BLTP1: variants seen among roughly 807,000 people sequenced by gnomAD.
The protein encoded by BLTP1 is bridge-like lipid transfer protein family member 1, also known as fragile site-associated protein.
the BLTP1 span, chr4:122,313,745 G>C: frequency 9.6e-7 from 1 of 1,038,426 alleles, no homozygotes; most frequent in Non-Finnish European, 1.4e-6. Context: ...TATTTTAATG[G>C]CAAGAGAATC....
the BLTP1 span, chr4:122,349,395 C>T: frequency 6.4e-7 from 1 of 1,558,216 alleles, no homozygotes; most frequent in Non-Finnish European, 8.7e-7. This position sits in a 1 kb window ranked among gnomAD's most constrained non-coding sequence, Gnocchi z 4.5. Context: ...GATGGATTCT[C>T]ATGAGTTTTT....
At chr4:122,271,777 C>A in the BLTP1 span, 1 of 1,167,022 alleles carries the variant, frequency 8.6e-7, no homozygotes, top group Non-Finnish European at 1.2e-6. Context: ...ACAATAATAC[C>A]AAAGAAGCAG....
At chr4:122,281,787 T>G in the BLTP1 span, 1 of 1,503,552 alleles carries the variant, frequency 6.7e-7, no homozygotes, top group Non-Finnish European at 8.9e-7. Flanking sequence ...AATATTGAAT[T>G]CTGAATTCAC....
chr4:122,335,349 C>T, the BLTP1 span, among the ~76,000 whole-genome samples: 1 of 152,034 alleles, frequency 6.6e-6, no homozygotes, highest in Non-Finnish European at 1.5e-5. Flanking sequence ...TACACAAGGG[C>T]ATGAATACCA....
the BLTP1 span, among the ~76,000 whole-genome samples, chr4:122,277,292 G>T: frequency 6.6e-6 from 1 of 152,168 alleles, no homozygotes; most frequent in African/African-American, 2.4e-5. Context: ...AGTGAGCTAT[G>T]ATGGTGTCAC....
the BLTP1 span, chr4:122,200,025 G>T: frequency 1.0e-6 from 1 of 976,666 alleles, no homozygotes; most frequent in African/African-American, 1.8e-5. Context: ...AACAAAAGCT[G>T]CTATGTAAAA....
the BLTP1 span, chr4:122,286,370 A>T: frequency 2.3e-6 from 2 of 854,400 alleles, no homozygotes; most frequent in Non-Finnish European, 2.8e-6. Flanking sequence ...TGACTTGCGT[A>T]TTTAAAGATA....
At chr4:122,208,778 A>G in the BLTP1 span, 2 of 560,324 alleles carry the variant, frequency 3.6e-6, no homozygotes, top group Non-Finnish European at 4.5e-6. Flanking sequence ...TGTTTATCTC[A>G]CTCGTGTAAT....
the BLTP1 span, chr4:122,224,295 C>G: frequency 3.6e-6 from 1 of 278,888 alleles, no homozygotes; most frequent in Non-Finnish European, 5.4e-6. Context: ...AATAGTTGGA[C>G]TCTCATAGGT....
At chr4:122,221,361 G>T in the BLTP1 span, among the ~76,000 whole-genome samples, 3 of 152,188 alleles carry the variant, frequency 2.0e-5, no homozygotes, top group African/African-American at 7.2e-5. Flanking sequence ...GCTAGGCATT[G>T]TTTTTGTTTT....
the BLTP1 span, chr4:122,353,881 T>G: frequency 6.2e-7 from 1 of 1,613,974 alleles, no homozygotes; most frequent in Non-Finnish European, 8.5e-7. This position sits in a 1 kb window ranked among gnomAD's most constrained non-coding sequence, Gnocchi z 4.3. Flanking sequence ...ATACTATGGT[T>G]ACCAAACCAT....
the BLTP1 span, among the ~76,000 whole-genome samples, chr4:122,278,761 A>G: frequency 6.6e-6 from 1 of 152,180 alleles, no homozygotes; most frequent in Admixed American, 6.5e-5. Context: ...CCTTCCAAGT[A>G]GCAGGGACTG....
At chr4:122,155,056 G>T in the BLTP1 span, 3 of 440,622 alleles carry the variant, frequency 6.8e-6, no homozygotes, top group Non-Finnish European at 9.0e-6. Flanking sequence ...AGTATCATGT[G>T]TCAGACATCC....
the BLTP1 span, chr4:122,251,492 T>C: frequency 2.1e-6 from 2 of 950,630 alleles, no homozygotes; most frequent in African/African-American, 3.5e-5. Context: ...TTAATCACAG[T>C]TTTATTTTGG....
At chr4:122,225,100 G>T in the BLTP1 span, 1 of 807,480 alleles carries the variant, frequency 1.2e-6, no homozygotes, top group Non-Finnish European at 1.5e-6. Flanking sequence ...TTTGAAAGTA[G>T]CCCTTATGAT....
the BLTP1 span, chr4:122,266,869 C>T: frequency 1.2e-6 from 2 of 1,612,376 alleles, no homozygotes; most frequent in East Asian, 2.2e-5. Context: ...TTGGAGAACA[C>T]CTTTCATTTT....
the BLTP1 span, among the ~76,000 whole-genome samples, chr4:122,219,921 C>A: frequency 6.6e-6 from 1 of 152,080 alleles, no homozygotes; most frequent in African/African-American, 2.4e-5. Context: ...CAGTTTGGGG[C>A]CTTATGGTGG....
the BLTP1 span, chr4:122,199,367 C>A: frequency 6.2e-7 from 1 of 1,612,384 alleles, no homozygotes; most frequent in East Asian, 2.2e-5. Flanking sequence ...AGGTTACACT[C>A]CTGCTATTAA....
At chr4:122,227,849 C>T in the BLTP1 span, 1 of 151,432 alleles carries the variant, frequency 6.6e-6, no homozygotes, top group Admixed American at 6.6e-5. Context: ...TACGCACATA[C>T]CTTTAGGTGC....
Sources: allele counts gnomAD v4.1 joint callset (sites outside exome capture counted in the v4.1 genomes callset), GRCh38; gene constraint gnomAD v4.1.1; non-coding constraint Gnocchi (gnomAD v3.1); transcripts MANE v1.5; gene names NCBI Gene and HGNC (gene_info 2026-07-23, HGNC 2026-07-21).